The following DCDC2 variants were observed in gnomAD, a reference collection of about 807,000 sequenced individuals.
The protein encoded by DCDC2 is doublecortin domain-containing protein 2.
A neutral mutation model predicts 50.2 loss-of-function variants in DCDC2; 40 were observed. That is an observed-to-expected ratio of 0.80 (90% CI 0.62 to 1.04). DCDC2 has a LOEUF of 1.04. DCDC2 is among the 50% of genes least tolerant of loss of function. The probability of loss-of-function intolerance (pLI) is 0.00; values close to 1 mark genes in which losing one functional copy is unlikely to be tolerated. For synonymous variants in DCDC2, 234 were observed against 210.6 expected (o/e 1.11, Z -0.96); for missense variants, 570 against 581.9 (o/e 0.98, Z 0.21).
intron 7 of DCDC2, among the ~76,000 whole-genome samples, chr6:24,265,561 G>A (rs1452482125): frequency 1.3e-5 from 2 of 152,054 alleles, no homozygotes; most frequent in Non-Finnish European, 2.9e-5. Flanking sequence ...AACATATCAA[G>A]TATCTTCTCT....
At chr6:24,341,751 G>A (rs1023274802) in intron 2 of DCDC2, among the ~76,000 whole-genome samples, 19 of 152,102 alleles carry the variant, frequency 1.2e-4, no homozygotes, top group Admixed American at 2.6e-4. Context: ...TGGGGCCAGG[G>A]ACCTAGTAGA....
intron 2 of DCDC2, 142 bp from the exon 3 acceptor site, chr6:24,302,186 G>T: frequency 1.5e-6 from 1 of 646,674 alleles, no homozygotes; most frequent in Non-Finnish European, 2.5e-6. Context: ...CAGCATTTCT[G>T]TAAACTCTGA....
intron 4 of DCDC2, among the ~76,000 whole-genome samples, chr6:24,301,369 T>TC (rs1385903706): frequency 4.0e-3 from 16 of 4,022 alleles, no homozygotes; most frequent in South Asian, 0.034. Context: ...AGGCTCCATC[T>TC]CAAAAAAAAA....
chr6:24,332,507 T>G (rs1479908394), intron 2 of DCDC2, among the ~76,000 whole-genome samples: 1 of 152,096 alleles, frequency 6.6e-6, no homozygotes, highest in East Asian at 1.9e-4. Context: ...GCCTACAGCT[T>G]TTAGATCTCC....
chr6:24,257,010 A>G (rs895795105), intron 7 of DCDC2, among the ~76,000 whole-genome samples: 3 of 152,178 alleles, frequency 2.0e-5, no homozygotes, highest in Admixed American at 2.0e-4. Flanking sequence ...ATTGCACCTA[A>G]GCTCTAATAT....
the DCDC2 span, among the ~76,000 whole-genome samples, chr6:24,370,332 G>C: frequency 1.3e-5 from 2 of 152,076 alleles, no homozygotes; most frequent in Non-Finnish European, 2.9e-5. Context: ...GGAAACAGTT[G>C]GCAACTCCTC....
At chr6:24,375,338 T>C in the DCDC2 span, among the ~76,000 whole-genome samples, 1 of 151,990 alleles carries the variant, frequency 6.6e-6, no homozygotes, top group East Asian at 1.9e-4. Context: ...GGGTCACTCA[T>C]ATGGGGTGCT....
At chr6:24,270,131 C>G (rs1257550192) in intron 7 of DCDC2, among the ~76,000 whole-genome samples, 2 of 152,122 alleles carry the variant, frequency 1.3e-5, no homozygotes, top group Non-Finnish European at 2.9e-5. Context: ...CCTCACTTGT[C>G]CCTCCACCTC....
chr6:24,178,629 G>T lies in DCDC2; in HGVS notation c.1027C>A (p.Pro343Thr). ...TQVEVPVDQR[P>T]AEIVDEEEDG... ...TCTTCCTCGTCTACTATTTCTGCTG[G>T]CCTCTGATGGATCAAAAGGAATAAT... Residue 343 changes from proline to threonine, a missense_variant, in exon 9 of 10, where the codon CCA becomes ACA. Pro to Thr is a conservative substitution (Grantham distance 38). Coordinates refer to ENST00000378454, the MANE Select transcript of DCDC2 (RefSeq NM_016356.5). 1 of 1,610,898 alleles carries T rather than the reference G, an allele frequency of 6.2e-7. No homozygotes were observed.
intron 7 of DCDC2, among the ~76,000 whole-genome samples, chr6:24,206,835 A>T (rs1761725602): frequency 6.6e-6 from 1 of 152,234 alleles, no homozygotes; most frequent in Non-Finnish European, 1.5e-5. Context: ...GTGCACAGTG[A>T]CACAAAGAGA....
intron 2 of DCDC2, among the ~76,000 whole-genome samples, chr6:24,308,669 T>C (rs145773920): frequency 2.4e-4 from 37 of 152,056 alleles, no homozygotes; most frequent in African/African-American, 8.9e-4. Flanking sequence ...TATAAATACG[T>C]TAAAAAATTC....
In DCDC2 at chr6:24,178,356, G is replaced by GAGACT. The variant is rs1760971728; in HGVS notation, c.1295_1299dup (p.Gln434SerfsTer14). On this transcript the variant is annotated frameshift_variant, in exon 9 of 10. Transcript: ENST00000378454. LOFTEE classifies it high-confidence loss of function. ...TCATCTTGTCCACTGCCAGCTCCTTGAGACTTTCTTTCCTTGTCTAGGACC... is the reference window on the plus strand; with the variant it reads ...TCATCTTGTCCACTGCCAGCTCCTTGAGACTAGACTTTCTTTCCTTGTCTAGGACC... The GAGACT allele has an allele frequency of 6.2e-7, 1 of 1,613,748 alleles. No individual in the cohort carries two copies. Among genetic ancestry groups the GAGACT allele is most frequent in the Admixed American group, 1.7e-5 (1 of 59,990 alleles).
At chr6:24,220,888 G>GAGACAGAGAGCGAGAGCGAGAGAGAC in intron 7 of DCDC2, among the ~76,000 whole-genome samples, 1 of 128,606 alleles carries the variant, frequency 7.8e-6, no homozygotes, top group Admixed American at 7.5e-5. Context: ...GAGAGCGAGA[G>GAGACAGAGAGCGAGAGCGAGAGAGAC]AGTGAGCGAG....
intron 7 of DCDC2, among the ~76,000 whole-genome samples, chr6:24,216,126 T>C (rs1271234454): frequency 6.6e-6 from 1 of 152,144 alleles, no homozygotes; most frequent in African/African-American, 2.4e-5. Context: ...TGGCTAGAAA[T>C]GTAAGTCTGT....
chr6:24,184,484 T>A (rs1406398997), intron 8 of DCDC2, among the ~76,000 whole-genome samples: 1 of 152,008 alleles, frequency 6.6e-6, no homozygotes, highest in Non-Finnish European at 1.5e-5. Context: ...TGAGGCAGAA[T>A]TGCTTGAACC....
chr6:24,301,370 CAAAAAA>C (rs59055669), intron 4 of DCDC2, among the ~76,000 whole-genome samples: 4 of 64,102 alleles, frequency 6.2e-5, no homozygotes, highest in Middle Eastern at 0.011. Context: ...GGCTCCATCT[CAAAAAA>C]AAAAAAAAAA....
At chr6:24,320,312 G>T (rs1354705620) in intron 2 of DCDC2, among the ~76,000 whole-genome samples, 2 of 151,942 alleles carry the variant, frequency 1.3e-5, no homozygotes, top group African/African-American at 4.8e-5. Context: ...TCAATTTTTT[G>T]GTTTTTGTTT....
chr6:24,208,150 G>T (rs1224417469), intron 7 of DCDC2, among the ~76,000 whole-genome samples: 2 of 152,122 alleles, frequency 1.3e-5, no homozygotes, highest in African/African-American at 4.8e-5. Context: ...CAAAGAACCT[G>T]CAGGTCACGG....
intron 6 of DCDC2, among the ~76,000 whole-genome samples, chr6:24,283,090 C>A (rs540287278): frequency 6.6e-6 from 1 of 152,288 alleles, no homozygotes; most frequent in African/African-American, 2.4e-5. Flanking sequence ...CGTTGGCTTT[C>A]ACTTTCAAAT....
Sources: allele counts gnomAD v4.1 joint callset (sites outside exome capture counted in the v4.1 genomes callset), GRCh38; gene constraint gnomAD v4.1.1; transcripts MANE v1.5; gene names NCBI Gene and HGNC (gene_info 2026-07-23, HGNC 2026-07-21).